SLCO2A1: variants seen among roughly 807,000 people sequenced by gnomAD.
The protein encoded by SLCO2A1 is solute carrier organic anion transporter family member 2A1.
A neutral mutation model predicts 71.7 loss-of-function variants in SLCO2A1; 60 were observed. That is an observed-to-expected ratio of 0.84 (90% CI 0.68 to 1.04). The LOEUF is 1.04. Among genes scored for constraint, SLCO2A1 ranks in the 50% least tolerant of loss-of-function variants. The pLI, the probability that SLCO2A1 is intolerant of heterozygous loss-of-function variation, is 0.00. For synonymous variants in SLCO2A1, 308 were observed against 326.7 expected (o/e 0.94, Z 0.62); for missense variants, 745 against 813.4 (o/e 0.92, Z 1.02).
At chr3:133,969,274 C>T (rs1241429737) in intron 3 of SLCO2A1, among the ~76,000 whole-genome samples, 1 of 152,138 alleles carries the variant, frequency 6.6e-6, no homozygotes, top group African/African-American at 2.4e-5. Context: ...TACTAAAATA[C>T]AAAAAATCAT....
chr3:134,010,476 G>A (rs979982085), intron 1 of SLCO2A1, among the ~76,000 whole-genome samples: 72 of 152,146 alleles, frequency 4.7e-4, no homozygotes, highest in Non-Finnish European at 8.4e-4. Context: ...GATCTCGGCC[G>A]GGCGCGGTGG....
intron 1 of SLCO2A1, among the ~76,000 whole-genome samples, chr3:133,991,735 C>G (rs1460598342): frequency 6.6e-6 from 1 of 152,186 alleles, no homozygotes; most frequent in African/African-American, 2.4e-5. Flanking sequence ...GGAGGGGAGG[C>G]TGCAGGGGGC....
intron 1 of SLCO2A1, among the ~76,000 whole-genome samples, chr3:134,020,573 A>G (rs1935552483): frequency 6.6e-6 from 1 of 152,244 alleles, no homozygotes; most frequent in Non-Finnish European, 1.5e-5. Flanking sequence ...GAAGGTTTTC[A>G]CCGGTCTGGA....
At chr3:133,978,105 C>A (rs950685946) in intron 2 of SLCO2A1, among the ~76,000 whole-genome samples, 1 of 152,076 alleles carries the variant, frequency 6.6e-6, no homozygotes, top group Non-Finnish European at 1.5e-5. Context: ...ATATATGTGG[C>A]GAAAGAGCCC....
At chr3:134,009,214 A>G (rs1280872390) in intron 1 of SLCO2A1, among the ~76,000 whole-genome samples, 2 of 152,230 alleles carry the variant, frequency 1.3e-5, no homozygotes, top group Non-Finnish European at 2.9e-5. Flanking sequence ...GACAAAAAAC[A>G]AAACCATTTA....
rs1027927487 is a variant in SLCO2A1, at chr3:134,029,852, C to G, written c.-50G>C. ...GGAGTGGCGCGGGGTCGGGGCGCCT[C>G]GGGCTGGAGCGGCCGGGCGGGTGAG... On this transcript the variant is annotated 5_prime_UTR_variant, in exon 1 of 14. Transcript: ENST00000310926. 3.5e-6 allele frequency: 4 copies of G among 1,150,312 alleles called. No individual in the cohort carries two copies. The highest frequency in any genetic ancestry group is 4.5e-6 in the Non-Finnish European group (4 of 893,720). The allele number at this position is 1,150,312 out of a possible 1,614,324, so 71.3% of individuals were successfully genotyped here.
At chr3:134,006,616 C>T (rs7427580) in intron 1 of SLCO2A1, among the ~76,000 whole-genome samples, 115,374 of 151,696 alleles carry the variant, frequency 0.76, 44,471 homozygotes, top group Non-Finnish European at 0.83. Flanking sequence ...AGAGTAATGT[C>T]ATCAAGTTTC....
Position 133,973,796 on chromosome 3 carries a change from G to A in SLCO2A1, c.264C>T (p.Val88=), listed in dbSNP as rs557929493. The A allele has an allele frequency of 2.5e-6, 4 of 1,613,870 alleles. No individual in the cohort carries two copies. In the South Asian group the frequency reaches 4.4e-5, roughly 18 times the overall value. ...EISNAILIIF[V]SYFGSRVHRP... is the part of the protein sequence containing the mutation. ...GGTGCACCCGGCTGCCAAAGTAGCT[G>A]ACAAAGATGATGAGGATGGCATTGC... The change falls in exon 3 of 14, where the codon GTC becomes GTT. Residue 88 remains valine (V), a synonymous_variant. Transcript: ENST00000310926.
chr3:133,973,678 T>C lies in SLCO2A1; in HGVS notation c.382A>G (p.Thr128Ala). 6.2e-7 allele frequency: 1 copy of C among 1,613,792 alleles called. No individual in the cohort carries two copies. The highest frequency in any genetic ancestry group is 8.5e-7 in the Non-Finnish European group (1 of 1,179,980). The change falls in exon 3 of 14, where the codon ACC becomes GCC. Residue 128 changes from threonine to alanine, a missense_variant. By Grantham distance (58) the Thr-to-Ala change is moderately conservative (BLOSUM62 0). Transcript: ENST00000310926. Reference protein sequence around the residue: ...PHFLSEPYQYTLASTGNNSRL... With the variant: ...PHFLSEPYQYALASTGNNSRL... The stretch of plus-strand genomic sequence containing the variant: ...AGCCACTCACCAGTGCTGGCCAAGG[T>C]GTACTGGTAGGGCTCGGAGAGGAAG...
chr3:133,947,348 A>G lies in SLCO2A1; in HGVS notation c.1203T>C (p.Ala401=). ...VFSLQAIPRI[A]TTIITISMIL... is the part of the protein sequence containing the mutation. ...TCATGGAGATGGTGATGATGGTGGT[A>G]GCTATGCGGGGAATGGCTTGTAGAG... The change falls in exon 9 of 14, where the codon GCT becomes GCC. Residue 401 remains alanine (A), a synonymous_variant. Coordinates refer to ENST00000310926, the MANE Select transcript of SLCO2A1 (RefSeq NM_005630.3). 1 of 1,614,142 alleles carries G rather than the reference A, an allele frequency of 6.2e-7. No individual in the cohort carries two copies. Among genetic ancestry groups the G allele is most frequent in the Non-Finnish European group, 8.5e-7 (1 of 1,180,014 alleles).
At chr3:134,028,858 C>A (rs997953943) in intron 1 of SLCO2A1, among the ~76,000 whole-genome samples, 1 of 152,230 alleles carries the variant, frequency 6.6e-6, no homozygotes, top group Non-Finnish European at 1.5e-5. Context: ...AGCCCGAGTG[C>A]GGATTGAACC....
At chr3:133,938,812 C>T (rs543153633) in intron 11 of SLCO2A1, among the ~76,000 whole-genome samples, 1 of 152,114 alleles carries the variant, frequency 6.6e-6, no homozygotes, top group African/African-American at 2.4e-5. Context: ...TCTGATGCAT[C>T]ACTGAGAACC....
In SLCO2A1 at chr3:133,953,709, G is replaced by C. The variant is rs200575046; in HGVS notation, c.678C>G (p.Gly226=). 3 of 1,614,188 alleles carry C rather than the reference G, an allele frequency of 1.9e-6. No homozygotes were observed. Among genetic ancestry groups the C allele is most frequent in the East Asian group, 4.5e-5 (2 of 44,880 alleles). ...VFGPAFGYLL[G]SVMLQIFVDY... is the part of the protein sequence containing the mutation. Reference sequence around the variant, plus strand: ...CCACAAAGATCTGCAGCATGACAGAGCCCAGCAGGTACCCGAAAGCCGGTC... The same window carrying C: ...CCACAAAGATCTGCAGCATGACAGACCCCAGCAGGTACCCGAAAGCCGGTC... Residue 226 remains glycine (G), a synonymous_variant, in exon 5 of 14, where the codon GGC becomes GGG. Transcript: ENST00000310926.
chr3:133,948,777 G>A, intron 7 of SLCO2A1, 77 bp from the exon 8 acceptor site: 2 of 1,590,576 alleles, frequency 1.3e-6, no homozygotes, highest in African/African-American at 1.3e-5. Flanking sequence ...CCAGTTACAG[G>A]CCCTCTGCTC....
intron 6 of SLCO2A1, among the ~76,000 whole-genome samples, chr3:133,949,498 A>T (rs1933680214): frequency 1.3e-5 from 2 of 152,118 alleles, no homozygotes; most frequent in African/African-American, 2.4e-5. Flanking sequence ...TTTCTTGGGT[A>T]TACTACCCCA....
intron 1 of SLCO2A1, among the ~76,000 whole-genome samples, chr3:134,003,782 C>G (rs554780156): frequency 6.6e-6 from 1 of 152,258 alleles, no homozygotes; most frequent in South Asian, 2.1e-4. Context: ...CTGGGTGTTG[C>G]TGTGAAGGGA....
At position 133,951,319 on chromosome 3, in the gene SLCO2A1, G is replaced by T. The variant is rs776702326; in HGVS notation, c.750C>A (p.Asp250Glu). The T allele has an allele frequency of 5.0e-6, 8 of 1,614,018 alleles. No homozygotes were observed. The highest frequency in any genetic ancestry group is 2.2e-5 in the South Asian group (2 of 91,088). The part of the protein sequence containing the change: ...NTAAVNLVPG[D>E]PRWIGAWWLG... ...GCCACCAGGCTCCAATCCATCGGGGGTCACCCGGGACCAAGTTAACTGCAG... is the reference window on the plus strand; with the variant it reads ...GCCACCAGGCTCCAATCCATCGGGGTTCACCCGGGACCAAGTTAACTGCAG... Residue 250 changes from aspartate (D) to glutamate (E), a missense_variant, in exon 6 of 14, where the codon GAC becomes GAA. By Grantham distance (45) the Asp-to-Glu change is conservative. Coordinates refer to ENST00000310926, the MANE Select transcript of SLCO2A1 (RefSeq NM_005630.3).
chr3:133,955,021 A>ATGTGGCTG lies in SLCO2A1; in HGVS notation c.569_570insCAGCCACA (p.Gly191SerfsTer72), dbSNP rs1477449094. The ATGTGGCTG allele has an allele frequency of 1.2e-6, 2 of 1,614,206 alleles. No individual in the cohort carries two copies. The highest frequency in any genetic ancestry group is 1.7e-6 in the Non-Finnish European group (2 of 1,180,028). The stretch of plus-strand genomic sequence containing the variant: ...AGAAGTCATCCACATAGGAGATCCC[A>ATGTGGCTG]AATGGCTGAATAGGCACTGTCCCGA... On this transcript the variant is annotated frameshift_variant, in exon 4 of 14. Transcript: ENST00000310926. LOFTEE classifies it high-confidence loss of function.
chr3:134,012,897 T>TA (rs1242706662), intron 1 of SLCO2A1, among the ~76,000 whole-genome samples: 1 of 152,196 alleles, frequency 6.6e-6, no homozygotes, highest in Non-Finnish European at 1.5e-5. Flanking sequence ...TAAAATGTCA[T>TA]AGCAAGGGAG....
Sources: gnomAD v4.1 joint callset for allele counts (sites outside exome capture counted in the v4.1 genomes callset) on GRCh38, gnomAD v4.1.1 for gene constraint, MANE v1.5 for transcripts, NCBI Gene and HGNC (gene_info 2026-07-23, HGNC 2026-07-21) for gene names.